Variants in NCAM2 observed in about 807,000 individuals in gnomAD.
The protein encoded by NCAM2 is neural cell adhesion molecule 2, also known as N-CAM-2.
Under a neutral mutation model 98.1 loss-of-function variants are expected in NCAM2, and 30 were observed. That is an observed-to-expected ratio of 0.31 (90% confidence interval 0.23 to 0.41). NCAM2 has a LOEUF of 0.41. Among genes scored for constraint, NCAM2 ranks in the 10% least tolerant of loss-of-function variants. The probability of loss-of-function intolerance (pLI) is 1.00; values close to 1 mark genes in which losing one functional copy is unlikely to be tolerated. For missense variants in NCAM2, 867 were observed against 1,005.8 expected, an observed-to-expected ratio of 0.86 and a Z score of 1.87; for synonymous variants, 368 against 342.4, an observed-to-expected ratio of 1.07 and a Z score of -0.83.
At chr21:21,094,474 G>A (rs1317143113) in intron 1 of NCAM2, among the ~76,000 whole-genome samples, 1 of 151,660 alleles carries the variant, frequency 6.6e-6, no homozygotes, top group Non-Finnish European at 1.5e-5. Context: ...CAGACATTGA[G>A]TATAATAATA....
At chr21:21,366,016 G>C (rs570963257) in intron 8 of NCAM2, among the ~76,000 whole-genome samples, 33 of 152,102 alleles carry the variant, frequency 2.2e-4, no homozygotes, top group Admixed American at 1.0e-3. Flanking sequence ...CCTGAACTGT[G>C]TCTTTTCCAT....
chr21:21,004,746 A>G (rs2064081237), intron 1 of NCAM2, among the ~76,000 whole-genome samples: 1 of 152,108 alleles, frequency 6.6e-6, no homozygotes, highest in Non-Finnish European at 1.5e-5. Context: ...TCTTATCATA[A>G]TCCTCTATTA....
intron 1 of NCAM2, among the ~76,000 whole-genome samples, chr21:21,229,452 C>A (rs73316762): frequency 0.019 from 2,934 of 151,514 alleles, 92 homozygotes; most frequent in African/African-American, 0.067. Flanking sequence ...TAAATACTTT[C>A]TATTGCTTTC....
intron 1 of NCAM2, among the ~76,000 whole-genome samples, chr21:21,095,794 A>G (rs1353139299): frequency 6.6e-6 from 1 of 151,612 alleles, no homozygotes; most frequent in Non-Finnish European, 1.5e-5. Context: ...TATTTCTCAG[A>G]ACTACTAGCT....
In NCAM2 at chr21:21,198,886, A is replaced by G. The variant is rs1232492589; in HGVS notation, c.56-81692A>G. Among the ~76,000 whole-genome samples the G allele has an allele frequency of 2.0e-5, 3 of 152,294 alleles. No homozygotes were observed. In the East Asian group the frequency reaches 5.8e-4, roughly 29 times the overall value. On this transcript the variant is annotated intron_variant, in intron 1 of 17. Transcript: ENST00000400546. ...TTTTTACCAGTGTCTCAGAGATCAA[A>G]TAAAAGGATGCAAACATGGAAAATT...
chr21:21,142,433 C>T (rs1337595899), intron 1 of NCAM2, among the ~76,000 whole-genome samples: 4 of 120,778 alleles, frequency 3.3e-5, no homozygotes, highest in Non-Finnish European at 6.3e-5. Context: ...GGCTGGAGTG[C>T]AGTGGCGCAA....
At chr21:21,167,375 G>C (rs2067985844) in intron 1 of NCAM2, among the ~76,000 whole-genome samples, 1 of 151,860 alleles carries the variant, frequency 6.6e-6, no homozygotes, top group Admixed American at 6.6e-5. Flanking sequence ...AGTTTGAATA[G>C]CATAAAAGAG....
chr21:21,345,442 C>T (rs113912201), intron 8 of NCAM2, among the ~76,000 whole-genome samples: 109 of 151,998 alleles, frequency 7.2e-4, no homozygotes, highest in African/African-American at 2.4e-3. Flanking sequence ...ATAATTACAA[C>T]GAATCAAGTA....
At position 21,400,217 on chromosome 21, in the gene NCAM2, G is replaced by T. The variant is rs567915233; in HGVS notation, c.1196-10057G>T. 4.3e-4 allele frequency among the ~76,000 whole-genome samples: 65 copies of T among 152,280 alleles called. No homozygotes were observed. In the South Asian group the frequency reaches 0.012, roughly 29 times the overall value. ...GGCATATGTTACTGTTTCATGTGAT[G>T]CTGGCAATGTAATGTCAGAGATTCA... is the stretch of plus-strand genomic sequence containing the variant. On this transcript the variant is annotated intron_variant, in intron 9 of 17. Transcript: ENST00000400546.
chr21:21,335,763 T>G (rs1160872203), intron 7 of NCAM2, 98 bp downstream of exon 7: 9 of 1,001,644 alleles, frequency 9.0e-6, no homozygotes, highest in Non-Finnish European at 1.2e-5. Context: ...CTTTCCATAT[T>G]AAATCTGTTT....
chr21:21,135,991 G>A (rs886561833), intron 1 of NCAM2, among the ~76,000 whole-genome samples: 1 of 152,096 alleles, frequency 6.6e-6, no homozygotes, highest in Non-Finnish European at 1.5e-5. Flanking sequence ...TTTCTGGTGT[G>A]ATGGACCATG....
At chr21:21,534,955 T>C (rs537969130) in intron 17 of NCAM2, among the ~76,000 whole-genome samples, 10 of 152,250 alleles carry the variant, frequency 6.6e-5, no homozygotes, top group African/African-American at 2.4e-4. Context: ...TCTGTCTTTT[T>C]AAGATAGTGT....
intron 1 of NCAM2, among the ~76,000 whole-genome samples, chr21:21,270,770 A>AC (rs1484432930): frequency 3.9e-5 from 6 of 152,172 alleles, no homozygotes; most frequent in Admixed American, 3.9e-4. Flanking sequence ...CCAGGTTTCT[A>AC]CATGCTTGAC....
At chr21:21,428,160 A>G (rs2077256024) in intron 11 of NCAM2, among the ~76,000 whole-genome samples, 2 of 152,268 alleles carry the variant, frequency 1.3e-5, no homozygotes, top group South Asian at 4.1e-4. Context: ...GTATTTGCAC[A>G]ATTGCTTTTC....
At chr21:21,447,153 A>T (rs1282184633) in intron 12 of NCAM2, among the ~76,000 whole-genome samples, 1 of 152,130 alleles carries the variant, frequency 6.6e-6, no homozygotes, top group Non-Finnish European at 1.5e-5. Flanking sequence ...TTCAAAATAT[A>T]CTACAAGGCC....
At chr21:21,162,765 A>AT (rs2067826235) in intron 1 of NCAM2, among the ~76,000 whole-genome samples, 1 of 152,142 alleles carries the variant, frequency 6.6e-6, no homozygotes. Context: ...TGTAAAAAAA[A>AT]CCTGTCAGAT....
At chr21:21,221,795 G>A (rs1428005240) in intron 1 of NCAM2, among the ~76,000 whole-genome samples, 1 of 152,190 alleles carries the variant, frequency 6.6e-6, no homozygotes, top group Non-Finnish European at 1.5e-5. Context: ...TAAGATCATT[G>A]ATGAAGATGG....
intron 1 of NCAM2, chr21:21,210,741 G>A: frequency 3.3e-6 from 3 of 908,966 alleles, no homozygotes; most frequent in Non-Finnish European, 4.3e-6. Context: ...ATGTCAAAAT[G>A]TCATTGAAAG....
chr21:21,507,538 A>G (rs567727435), intron 15 of NCAM2, among the ~76,000 whole-genome samples: 3 of 152,210 alleles, frequency 2.0e-5, no homozygotes, highest in African/African-American at 7.2e-5. Flanking sequence ...TCATGCCTGT[A>G]ATCCCAGCAC....
Sources: gnomAD v4.1 joint callset for allele counts (sites outside exome capture counted in the v4.1 genomes callset) on GRCh38, gnomAD v4.1.1 for gene constraint, MANE v1.5 for transcripts, NCBI Gene and HGNC (gene_info 2026-07-23, HGNC 2026-07-21) for gene names.